The following GLTP variants were observed in gnomAD, a reference collection of about 807,000 sequenced individuals.
GLTP encodes glycolipid transfer protein.
In GLTP, 22 loss-of-function variants were observed where a neutral mutation model predicts 24.0. The ratio of observed to expected loss-of-function variants is 0.92; its 90% confidence interval spans 0.65 to 1.31. The LOEUF (loss-of-function observed/expected upper bound fraction) is 1.31. GLTP is among the 50% of genes most tolerant of loss of function. The pLI, the probability that GLTP is intolerant of heterozygous loss-of-function variation, is 0.00. For missense variants in GLTP, 224 were observed against 276.6 expected (o/e 0.81, Z 1.35); for synonymous variants, 92 against 115.9 (o/e 0.79, Z 1.33).
chr12:109,861,293 A>G (rs1181595044), intron 1 of GLTP, among the ~76,000 whole-genome samples: 1 of 152,192 alleles, frequency 6.6e-6, no homozygotes, highest in Non-Finnish European at 1.5e-5. Flanking sequence ...CCATAGCCCA[A>G]TGGAAAGAAG....
At chr12:109,875,268 C>T (rs1868847650) in intron 1 of GLTP, among the ~76,000 whole-genome samples, 1 of 152,120 alleles carries the variant, frequency 6.6e-6, no homozygotes. Flanking sequence ...GATAAGGTAA[C>T]TCCTTAAGGA....
chr12:109,858,669 G>T lies in GLTP; in HGVS notation c.162+14C>A, dbSNP rs753712209. Reference sequence around the variant, plus strand: ...CGCAAGTCTTGGGCTGTGGCTGCCCGGCCAGGTACATACCGTGATGTTGCC... The same window carrying T: ...CGCAAGTCTTGGGCTGTGGCTGCCCTGCCAGGTACATACCGTGATGTTGCC... On this transcript the variant is annotated intron_variant, in intron 2 of 4. Coordinates refer to ENST00000318348, the MANE Select transcript of GLTP (RefSeq NM_016433.4). 1.2e-6 allele frequency: 2 copies of T among 1,606,520 alleles called. No individual in the cohort carries two copies. The highest frequency in any genetic ancestry group is 1.7e-5 in the Admixed American group (1 of 59,980).
chr12:109,857,675 C>A lies in GLTP; in HGVS notation c.163-16G>T, dbSNP rs536328168. The A allele has an allele frequency of 3.1e-6, 5 of 1,614,114 alleles. No individual in the cohort carries two copies. The African/African-American group carries it at 5.3e-5, about 17-fold the overall frequency. On this transcript the variant is annotated splice_polypyrimidine_tract_variant and intron_variant, in intron 2 of 4. Transcript: ENST00000318348. This position sits in a 1 kb window ranked among gnomAD's most constrained non-coding sequence, Gnocchi z 4.3. The stretch of plus-strand genomic sequence containing the variant: ...CTTTGATTTTCTGAAATGGAGCACA[C>A]AAGATTTCCCCTTGGGTAAGCTGCC...
intron 1 of GLTP, among the ~76,000 whole-genome samples, chr12:109,870,393 G>A (rs573275343): frequency 1.7e-4 from 26 of 152,100 alleles, no homozygotes; most frequent in South Asian, 8.3e-4. Flanking sequence ...TTGAACCTAG[G>A]GGGAGGGTGG....
At chr12:109,858,630 G>A in intron 2 of GLTP, 53 bp downstream of exon 2, 2 of 1,351,984 alleles carry the variant, frequency 1.5e-6, no homozygotes, top group Non-Finnish European at 1.1e-6. Context: ...ACCCAGGTGG[G>A]CTTAGATTCC....
At chr12:109,865,640 C>T (rs1332535340) in intron 1 of GLTP, among the ~76,000 whole-genome samples, 1 of 151,506 alleles carries the variant, frequency 6.6e-6, no homozygotes. Context: ...TACTATTTTG[C>T]CCAGGCCAGT....
intron 1 of GLTP, among the ~76,000 whole-genome samples, chr12:109,871,240 A>G (rs1234252871): frequency 6.6e-6 from 1 of 150,838 alleles, no homozygotes; most frequent in Non-Finnish European, 1.5e-5. Context: ...GCGCCACCAC[A>G]CCTGGCCAAT....
intron 1 of GLTP, among the ~76,000 whole-genome samples, chr12:109,862,142 C>G (rs1355871526): frequency 6.6e-6 from 1 of 152,284 alleles, no homozygotes; most frequent in Middle Eastern, 3.4e-3. Context: ...AGGGTGGTCA[C>G]GTCAGAGGCT....
chr12:109,866,082 C>T (rs991275826), intron 1 of GLTP: 6 of 152,082 alleles, frequency 3.9e-5, no homozygotes, highest in Admixed American at 2.0e-4. Flanking sequence ...AATATGTAAA[C>T]AGCTCTTACA....
chr12:109,852,373 C>CAAAAAAAA lies in GLTP; in HGVS notation c.*174_*181dup, dbSNP rs56313678. On this transcript the variant is annotated 3_prime_UTR_variant, in exon 5 of 5. Coordinates refer to ENST00000318348, the MANE Select transcript of GLTP (RefSeq NM_016433.4). ...TATTTACTGGTCCTTTAGAATAGAC[C>CAAAAAAAA]AAAAAAAAAAAAAAAAAAGACTTAA... is the stretch of plus-strand genomic sequence containing the variant. 4.6e-5 allele frequency: 13 copies of CAAAAAAAA among 284,032 alleles called. No individual in the cohort carries two copies. Among genetic ancestry groups the CAAAAAAAA allele is most frequent in the South Asian group, 2.1e-4 (4 of 19,486 alleles). 17.6% of individuals were successfully genotyped at this position (284,032 alleles called of 1,614,324 possible).
chr12:109,873,379 A>G (rs1288865567), intron 1 of GLTP, among the ~76,000 whole-genome samples: 2 of 152,150 alleles, frequency 1.3e-5, no homozygotes. Flanking sequence ...TCACGCCTGT[A>G]ATCCCAGCAC....
intron 1 of GLTP, among the ~76,000 whole-genome samples, chr12:109,862,659 AGGATC>A (rs1278964754): frequency 6.6e-6 from 1 of 152,142 alleles, no homozygotes; most frequent in African/African-American, 2.4e-5. Context: ...CAGAGGTGGG[AGGATC>A]GTTCAAGCCC....
intron 1 of GLTP, among the ~76,000 whole-genome samples, chr12:109,876,058 A>G (rs1164869756): frequency 6.6e-6 from 1 of 152,132 alleles, no homozygotes; most frequent in African/African-American, 2.4e-5. Context: ...AGATGATACA[A>G]TCGGCCAGGT....
At chr12:109,878,676 C>G (rs990452353) in intron 1 of GLTP, among the ~76,000 whole-genome samples, 6 of 152,262 alleles carry the variant, frequency 3.9e-5, no homozygotes, top group Middle Eastern at 3.4e-3. Flanking sequence ...GGTTCGCTCC[C>G]AAGCCCCCAC....
chr12:109,880,199 G>C lies in GLTP; in HGVS notation c.103+73C>G. Reference sequence around the variant, plus strand: ...GGGTGTCTAGGGCAGAGATGGTTAGGGGATGCTCGGGGGAAGGAGGATTCG... The same window carrying C: ...GGGTGTCTAGGGCAGAGATGGTTAGCGGATGCTCGGGGGAAGGAGGATTCG... On this transcript the variant is annotated intron_variant, in intron 1 of 4. Coordinates refer to ENST00000318348, the MANE Select transcript of GLTP (RefSeq NM_016433.4). The surrounding 1 kb of genome is among the most constrained non-coding windows in gnomAD (Gnocchi z 5.1). The C allele has an allele frequency of 1.2e-6, 1 of 861,896 alleles. No homozygotes were observed. The highest frequency in any genetic ancestry group is 1.9e-6 in the Non-Finnish European group (1 of 532,740). 53.4% of individuals were successfully genotyped at this position (861,896 alleles called of 1,614,324 possible).
intron 1 of GLTP, among the ~76,000 whole-genome samples, chr12:109,873,608 T>G (rs1354278100): frequency 2.4e-5 from 3 of 126,070 alleles, no homozygotes; most frequent in Non-Finnish European, 4.7e-5. Flanking sequence ...CACTCCAGCC[T>G]GGGCAATAGA....
intron 1 of GLTP, among the ~76,000 whole-genome samples, chr12:109,875,220 G>T (rs1868845878): frequency 6.6e-6 from 1 of 152,152 alleles, no homozygotes; most frequent in African/African-American, 2.4e-5. Flanking sequence ...ATATGATAGG[G>T]TCCATGGGAG....
intron 4 of GLTP, among the ~76,000 whole-genome samples, chr12:109,854,230 C>T (rs928910876): frequency 5.9e-5 from 9 of 151,534 alleles, no homozygotes; most frequent in African/African-American, 9.7e-5. Context: ...GTTGGTGGCT[C>T]GCACCTGTAG....
intron 1 of GLTP, among the ~76,000 whole-genome samples, chr12:109,865,914 G>A (rs1868513814): frequency 6.6e-6 from 1 of 152,122 alleles, no homozygotes. Flanking sequence ...AACTCAGAAG[G>A]CACAAGGAAA....
Sources: gnomAD v4.1 joint callset for allele counts (sites outside exome capture counted in the v4.1 genomes callset) on GRCh38, gnomAD v4.1.1 for gene constraint, Gnocchi (gnomAD v3.1) non-coding constraint, MANE v1.5 for transcripts, NCBI Gene and HGNC (gene_info 2026-07-23, HGNC 2026-07-21) for gene names.